Variants in SEC22A observed in about 807,000 individuals in gnomAD.
The protein encoded by SEC22A is vesicle-trafficking protein SEC22a.
In SEC22A, 22 loss-of-function variants were observed where a neutral mutation model predicts 35.3. The ratio of observed to expected loss-of-function variants is 0.62; its 90% CI spans 0.45 to 0.89. The LOEUF is 0.89. Among genes scored for constraint, SEC22A ranks in the 40% least tolerant of loss-of-function variants. SEC22A has a pLI of 0.00. For synonymous variants in SEC22A, 119 were observed against 129.5 expected, an observed-to-expected ratio of 0.92 and a Z score of 0.55; for missense variants, 354 against 362.5, an observed-to-expected ratio of 0.98 and a Z score of 0.19.
chr3:123,230,793 C>T (rs967925871), intron 4 of SEC22A, among the ~76,000 whole-genome samples: 9 of 147,404 alleles, frequency 6.1e-5, no homozygotes, highest in African/African-American at 2.3e-4. Context: ...AGATGTAAAT[C>T]TATATCAGTA....
At chr3:123,252,925 TCTTAA>T (rs1294736457) in intron 5 of SEC22A, among the ~76,000 whole-genome samples, 5 of 152,184 alleles carry the variant, frequency 3.3e-5, no homozygotes, top group South Asian at 2.1e-4. Flanking sequence ...TATTTTCACT[TCTTAA>T]CTTTGCTCTG....
At chr3:123,205,785 A>G (rs923649843) in intron 1 of SEC22A, among the ~76,000 whole-genome samples, 6 of 152,304 alleles carry the variant, frequency 3.9e-5, no homozygotes, top group Admixed American at 2.6e-4. Context: ...ACACACCTGC[A>G]TTGTTTGCTC....
At chr3:123,260,921 C>T (rs769826951) in intron 6 of SEC22A, among the ~76,000 whole-genome samples, 3 of 151,158 alleles carry the variant, frequency 2.0e-5, no homozygotes, top group Non-Finnish European at 4.4e-5. Flanking sequence ...CTGCAAGCTC[C>T]GCCTCCCAGG....
chr3:123,240,337 T>C (rs1472948951), intron 4 of SEC22A, among the ~76,000 whole-genome samples: 3 of 152,200 alleles, frequency 2.0e-5, no homozygotes, highest in Admixed American at 6.5e-5. Context: ...ACAACGACTG[T>C]TTTTATTTTT....
intron 6 of SEC22A, among the ~76,000 whole-genome samples, chr3:123,264,093 C>T (rs745823772): frequency 1.2e-4 from 18 of 151,944 alleles, no homozygotes; most frequent in Non-Finnish European, 2.4e-4. Context: ...TTTGTAGAGA[C>T]GGGGTCTTGC....
chr3:123,266,083 T>G (rs1022167124), intron 6 of SEC22A, among the ~76,000 whole-genome samples: 2 of 152,218 alleles, frequency 1.3e-5, no homozygotes, highest in African/African-American at 4.8e-5. Flanking sequence ...TTTATGTGTT[T>G]AGAGTTGGTT....
chr3:123,268,153 G>A (rs1183516812), intron 6 of SEC22A, among the ~76,000 whole-genome samples: 1 of 152,208 alleles, frequency 6.6e-6, no homozygotes, highest in Non-Finnish European at 1.5e-5. Context: ...ATTTGATGGT[G>A]TGGGTATGGG....
chr3:123,256,011 A>G (rs868797845), intron 5 of SEC22A, among the ~76,000 whole-genome samples: 2 of 151,974 alleles, frequency 1.3e-5, no homozygotes, highest in South Asian at 4.2e-4. Context: ...TGTATGTCTT[A>G]AGAGCTAAGA....
intron 5 of SEC22A, among the ~76,000 whole-genome samples, chr3:123,251,705 C>T (rs1038907928): frequency 5.3e-5 from 8 of 152,044 alleles, no homozygotes; most frequent in Admixed American, 4.6e-4. Context: ...CTGATCCTCT[C>T]ACCTAAATGA....
At chr3:123,248,992 T>C (rs1937588620) in intron 5 of SEC22A, among the ~76,000 whole-genome samples, 2 of 152,228 alleles carry the variant, frequency 1.3e-5, no homozygotes, top group South Asian at 4.1e-4. Context: ...CAGATGCTAG[T>C]TGCAAGTTCA....
intron 4 of SEC22A, among the ~76,000 whole-genome samples, chr3:123,245,131 A>T (rs1011399823): frequency 5.9e-5 from 9 of 152,170 alleles, no homozygotes; most frequent in Admixed American, 6.5e-5. Context: ...ACATGTATCC[A>T]GTGATATTTA....
intron 2 of SEC22A, among the ~76,000 whole-genome samples, chr3:123,218,479 T>C (rs990954243): frequency 1.3e-5 from 2 of 152,004 alleles, no homozygotes; most frequent in African/African-American, 4.8e-5. Flanking sequence ...TGTCTGTCTG[T>C]GTGTGAGTAA....
chr3:123,232,793 A>G (rs1011432098), intron 4 of SEC22A, among the ~76,000 whole-genome samples: 6 of 152,222 alleles, frequency 3.9e-5, no homozygotes, highest in Non-Finnish European at 8.8e-5. Context: ...GAATATGGAC[A>G]CAAAAGTCCT....
intron 3 of SEC22A, among the ~76,000 whole-genome samples, chr3:123,224,846 A>C (rs938074248): frequency 2.0e-5 from 3 of 152,026 alleles, no homozygotes; most frequent in Non-Finnish European, 4.4e-5. Flanking sequence ...TGTTTTTGTA[A>C]TTTCTTGAAG....
chr3:123,223,446 G>T, intron 2 of SEC22A, 113 bp from the exon 3 acceptor site: 2 of 757,166 alleles, frequency 2.6e-6, no homozygotes, highest in South Asian at 2.1e-5. Flanking sequence ...TAAATGTTAA[G>T]ATCTTCATTG....
intron 5 of SEC22A, among the ~76,000 whole-genome samples, chr3:123,249,621 T>C (rs1190045135): frequency 3.3e-5 from 5 of 151,984 alleles, no homozygotes; most frequent in Non-Finnish European, 7.4e-5. Flanking sequence ...GCCTCCCAGG[T>C]TCAAGCGATT....
intron 2 of SEC22A, among the ~76,000 whole-genome samples, chr3:123,213,168 A>G (rs1433452606): frequency 6.6e-6 from 1 of 152,172 alleles, no homozygotes; most frequent in African/African-American, 2.4e-5. Context: ...CAGAAGTTCT[A>G]GTTCTAGTTC....
chr3:123,234,253 G>A (rs1221586621), intron 4 of SEC22A, among the ~76,000 whole-genome samples: 2 of 152,072 alleles, frequency 1.3e-5, no homozygotes, highest in Non-Finnish European at 2.9e-5. Context: ...GGCTTTTTTT[G>A]TAGAAATTGA....
At chr3:123,227,644 G>C (rs1937237230) in intron 4 of SEC22A, among the ~76,000 whole-genome samples, 1 of 152,082 alleles carries the variant, frequency 6.6e-6, no homozygotes, top group Non-Finnish European at 1.5e-5. Context: ...ATCAACTATA[G>C]AATACAAAGC....
Sources: gnomAD v4.1 joint callset for allele counts (sites outside exome capture counted in the v4.1 genomes callset) on GRCh38, gnomAD v4.1.1 for gene constraint, MANE v1.5 for transcripts, NCBI Gene and HGNC (gene_info 2026-07-23, HGNC 2026-07-21) for gene names.